The following ERFL variants were observed in gnomAD, a reference collection of about 807,000 sequenced individuals.
The protein encoded by ERFL is ETS repressor factor like.
ERFL carries 8 observed loss-of-function variants against 27.9 expected under a neutral mutation model. The observed-to-expected ratio is 0.29, with a 90% CI of 0.17 to 0.52. The LOEUF (loss-of-function observed/expected upper bound fraction) is 0.52, where lower values mean the gene tolerates loss of function less well. Ranked by LOEUF, ERFL falls within the 20% of genes least tolerant of loss-of-function variation. The pLI, the probability that ERFL is intolerant of heterozygous loss-of-function variation, is 0.97. For synonymous variants in ERFL, 174 were observed against 202.8 expected, an observed-to-expected ratio of 0.86 and a Z score of 1.21; for missense variants, 294 against 444.4, an observed-to-expected ratio of 0.66 and a Z score of 3.04.
In ERFL at chr19:41,917,914, C is replaced by T. The variant is rs1481757047; in HGVS notation, c.-13-4982G>A. 6.6e-6 allele frequency among the ~76,000 whole-genome samples: 1 copy of T among 151,988 alleles called. No homozygotes were observed. Among genetic ancestry groups the T allele is most frequent in the East Asian group, 1.9e-4 (1 of 5,184 alleles). Reference sequence around the variant, plus strand: ...CTGGGTGCACGAAGCCAGCTCCCCGCGGTCACACACTGTGTGTGTGTGTGC... The same window carrying T: ...CTGGGTGCACGAAGCCAGCTCCCCGTGGTCACACACTGTGTGTGTGTGTGC... On this transcript the variant is annotated intron_variant, in intron 1 of 5. Transcript: ENST00000597630. This position sits in a 1 kb window ranked among gnomAD's most constrained non-coding sequence, Gnocchi z 4.8.
chr19:41,920,694 C>T (rs891974656), intron 1 of ERFL, among the ~76,000 whole-genome samples: 53 of 152,352 alleles, frequency 3.5e-4, no homozygotes, highest in Admixed American at 2.7e-3. Context: ...ACACAAGTCA[C>T]ACAGTCATGT....
chr19:41,909,500 G>A lies in ERFL; in HGVS notation c.303-29C>T. The A allele has an allele frequency of 8.0e-7, 1 of 1,255,654 alleles. No individual in the cohort carries two copies. Among genetic ancestry groups the A allele is most frequent in the Non-Finnish European group, 1.0e-6 (1 of 1,001,100 alleles). The allele number at this position is 1,255,654 out of a possible 1,614,324, so 77.8% of individuals were successfully genotyped here. On this transcript the variant is annotated intron_variant, in intron 3 of 5. Coordinates refer to ENST00000597630, the MANE Select transcript of ERFL (RefSeq NM_001365103.2). This position sits in a 1 kb window ranked among gnomAD's most constrained non-coding sequence, Gnocchi z 5.2. ...TGGGGAGAGTGGTGGTGTTGGGGAGGTGCAGGGGGAGCCCTGGGGCGGGAT... is the reference window on the plus strand; with the variant it reads ...TGGGGAGAGTGGTGGTGTTGGGGAGATGCAGGGGGAGCCCTGGGGCGGGAT...
At chr19:41,911,978 C>A (rs2074754918) in intron 2 of ERFL, among the ~76,000 whole-genome samples, 1 of 151,958 alleles carries the variant, frequency 6.6e-6, no homozygotes, top group African/African-American at 2.4e-5. Flanking sequence ...ATGCATCCCC[C>A]CCACAGCCCC....
chr19:41,919,600 G>A (rs1243993168), intron 1 of ERFL, among the ~76,000 whole-genome samples: 3 of 151,768 alleles, frequency 2.0e-5, no homozygotes, highest in Non-Finnish European at 2.9e-5. Context: ...AGCAACCCCC[G>A]AACACCAACA....
At chr19:41,918,375 CCACA>C (rs1376368601) in intron 1 of ERFL, among the ~76,000 whole-genome samples, 3 of 150,498 alleles carry the variant, frequency 2.0e-5, no homozygotes, top group African/African-American at 7.4e-5. Flanking sequence ...ACCACACACA[CCACA>C]CATACACCAC....
rs1419651635 is a variant in ERFL at position 41,921,742 on chromosome 19, C to T, written c.-14+6298G>A. Among the ~76,000 whole-genome samples the T allele has an allele frequency of 1.3e-5, 2 of 151,988 alleles. No individual in the cohort carries two copies. Among genetic ancestry groups the T allele is most frequent in the Non-Finnish European group, 2.9e-5 (2 of 67,974 alleles). On this transcript the variant is annotated intron_variant, in intron 1 of 5. Transcript: ENST00000597630. This position sits in a 1 kb window ranked among gnomAD's most constrained non-coding sequence, Gnocchi z 4.4. ...CCGGCCCTGGAGGTGGAGTGGAAGG[C>T]TCAGGTGTAGGCCGGGTGGCGGGCA...
rs1245123318 is a variant in ERFL at position 41,916,748 on chromosome 19, C to G, written c.-13-3816G>C. 1.3e-5 allele frequency among the ~76,000 whole-genome samples: 2 copies of G among 151,966 alleles called. No homozygotes were observed. The highest frequency in any genetic ancestry group is 4.8e-5 in the African/African-American group (2 of 41,358). ...AGAGATACACACACCAGCACCAACC[C>G]AGACAGCCAACGCACACGGCCACAC... On this transcript the variant is annotated intron_variant, in intron 1 of 5. Coordinates refer to ENST00000597630, the MANE Select transcript of ERFL (RefSeq NM_001365103.2). The surrounding 1 kb of genome is among the most constrained non-coding windows in gnomAD (Gnocchi z 5.4).
In ERFL at chr19:41,914,857, C is replaced by T. The variant is rs868935905; in HGVS notation, c.-13-1925G>A. Among the ~76,000 whole-genome samples, 20 of 5,380 alleles carry T rather than the reference C, an allele frequency of 3.7e-3. 1 individual carries two copies. Among genetic ancestry groups the T allele is most frequent in the Non-Finnish European group, 4.6e-3 (14 of 3,050 alleles). 3.5% of individuals were successfully genotyped at this position (5,380 alleles called of 152,430 possible). On this transcript the variant is annotated intron_variant, in intron 1 of 5. Coordinates refer to ENST00000597630, the MANE Select transcript of ERFL (RefSeq NM_001365103.2). ...TTCCACCGTCTCTGTCTCTCCCCCCCTCCACCATCTCTGTCTCTCCCTCCC... is the reference window on the plus strand; with the variant it reads ...TTCCACCGTCTCTGTCTCTCCCCCCTTCCACCATCTCTGTCTCTCCCTCCC...
intron 1 of ERFL, among the ~76,000 whole-genome samples, chr19:41,918,424 T>A (rs1184931276): frequency 5.7e-4 from 75 of 131,502 alleles, no homozygotes; most frequent in Non-Finnish European, 1.9e-4. Flanking sequence ...CACACACATA[T>A]CACACACACA....
intron 1 of ERFL, among the ~76,000 whole-genome samples, chr19:41,915,208 G>A (rs956419049): frequency 4.5e-5 from 5 of 111,536 alleles, no homozygotes; most frequent in Admixed American, 3.8e-4. Context: ...ACTCCCCGCC[G>A]CCTCCTCCGG....
chr19:41,913,062 C>A (rs1040148224), intron 1 of ERFL, 130 bp from the exon 2 acceptor site: 45 of 403,926 alleles, frequency 1.1e-4, no homozygotes, highest in Non-Finnish European at 1.8e-4. Flanking sequence ...CCTCTCCCCG[C>A]AATCCCTCCT....
rs2074806924 is a variant in ERFL at position 41,917,240 on chromosome 19, T to G, written c.-13-4308A>C. 6.6e-6 allele frequency among the ~76,000 whole-genome samples: 1 copy of G among 152,116 alleles called. No individual in the cohort carries two copies. The highest frequency in any genetic ancestry group is 2.1e-4 in the South Asian group (1 of 4,814). ...AAATATCTCCATCTCTGAGTGTCTC[T>G]GTTTCCCCCATCTCTCTCTCTGGGT... On this transcript the variant is annotated intron_variant, in intron 1 of 5. Transcript: ENST00000597630. The surrounding 1 kb of genome is among the most constrained non-coding windows in gnomAD (Gnocchi z 4.8).
chr19:41,912,102 G>GC (rs2074755979), intron 2 of ERFL, among the ~76,000 whole-genome samples: 1 of 152,148 alleles, frequency 6.6e-6, no homozygotes, highest in African/African-American at 2.4e-5. Flanking sequence ...GCTGGCAGAC[G>GC]CCCCCATCCC....
intron 1 of ERFL, among the ~76,000 whole-genome samples, chr19:41,922,242 T>C (rs2074846762): frequency 1.3e-5 from 2 of 151,876 alleles, no homozygotes; most frequent in South Asian, 4.2e-4. Context: ...AAGAGTGTAC[T>C]GAGGAAATTA....
intron 1 of ERFL, among the ~76,000 whole-genome samples, chr19:41,927,150 GC>G: frequency 6.6e-6 from 1 of 152,270 alleles, no homozygotes; most frequent in East Asian, 1.9e-4. Context: ...ACACAGAGAT[GC>G]TGTGAGAGAC....
At chr19:41,914,568 T>C (rs1327923728) in intron 1 of ERFL, among the ~76,000 whole-genome samples, 8 of 42,712 alleles carry the variant, frequency 1.9e-4, no homozygotes, top group Middle Eastern at 0.017. Context: ...CCACCATCTC[T>C]GTCTCCGTCT....
chr19:41,922,022 A>T (rs1055734475), intron 1 of ERFL, among the ~76,000 whole-genome samples: 6 of 146,096 alleles, frequency 4.1e-5, no homozygotes, highest in Non-Finnish European at 3.0e-5. Context: ...CTCACTCCAC[A>T]TCGGGCCCCA....
At chr19:41,920,252 GCA>G (rs1324866252) in intron 1 of ERFL, among the ~76,000 whole-genome samples, 1 of 105,122 alleles carries the variant, frequency 9.5e-6, no homozygotes, top group Admixed American at 1.3e-4. Flanking sequence ...CAGACGTGAG[GCA>G]CAGACATGAC....
Position 41,909,721 on chromosome 19 carries a change from C to A in ERFL, c.302+142G>T. 9.8e-7 allele frequency: 1 copy of A among 1,019,950 alleles called. No homozygotes were observed. The highest frequency in any genetic ancestry group is 2.4e-4 in the Middle Eastern group (1 of 4,172). The allele number at this position is 1,019,950 out of a possible 1,614,324, so 63.2% of individuals were successfully genotyped here. ...CTCCTCCTCGCCTCCCTTCCACTCA[C>A]AAGTAGCGATGGTGGCTACTCACGC... On this transcript the variant is annotated intron_variant, in intron 3 of 5. Transcript: ENST00000597630. This position sits in a 1 kb window ranked among gnomAD's most constrained non-coding sequence, Gnocchi z 5.2.
Sources: allele counts gnomAD v4.1 joint callset (sites outside exome capture counted in the v4.1 genomes callset), GRCh38; gene constraint gnomAD v4.1.1; non-coding constraint Gnocchi (gnomAD v3.1); transcripts MANE v1.5; gene names NCBI Gene and HGNC (gene_info 2026-07-23, HGNC 2026-07-21).